Variants in ADGRV1 observed in about 807,000 individuals in gnomAD.
The protein encoded by ADGRV1 is G-protein coupled receptor 98.
A neutral mutation model predicts 596.2 loss-of-function variants in ADGRV1; 359 were observed. The ratio of observed to expected loss-of-function variants is 0.60; its 90% CI spans 0.55 to 0.66. The LOEUF is 0.66. Ranked by LOEUF, ADGRV1 falls within the 30% of genes least tolerant of loss-of-function variation. ADGRV1 has a pLI of 0.00. For synonymous variants in ADGRV1, 2,681 were observed against 2,679.2 expected, an observed-to-expected ratio of 1.00 and a Z score of -0.02; for missense variants, 7,274 against 7,575.6, an observed-to-expected ratio of 0.96 and a Z score of 1.48.
intron 83 of ADGRV1, among the ~76,000 whole-genome samples, chr5:90,929,816 T>TAA (rs1352227283): frequency 6.6e-6 from 1 of 152,240 alleles, no homozygotes; most frequent in African/African-American, 2.4e-5. Flanking sequence ...TGACTACCTT[T>TAA]AAGTTGTTGA....
At position 90,656,404 on chromosome 5, in the gene ADGRV1, A is replaced by G. The variant is rs1156504357; in HGVS notation, c.4379-1501A>G. 3.9e-5 allele frequency among the ~76,000 whole-genome samples: 6 copies of G among 152,202 alleles called. No homozygotes were observed. The East Asian group carries it at 1.2e-3, about 29-fold the overall frequency. ...CAGTATTCCTTTTAACATACCATAG[A>G]GACAGAACTAAAGGAGATGTGATCA... On this transcript the variant is annotated intron_variant, in intron 20 of 89. Coordinates refer to ENST00000405460, the MANE Select transcript of ADGRV1 (RefSeq NM_032119.4).
At chr5:91,047,796 T>C (rs1199082203) in intron 85 of ADGRV1, among the ~76,000 whole-genome samples, 3 of 152,234 alleles carry the variant, frequency 2.0e-5, no homozygotes, top group Admixed American at 1.3e-4. Flanking sequence ...TGTTTCTTTA[T>C]AATTTATTCA....
At chr5:91,131,435 T>TG (rs1199664661) in intron 87 of ADGRV1, among the ~76,000 whole-genome samples, 2 of 151,816 alleles carry the variant, frequency 1.3e-5, no homozygotes, top group African/African-American at 4.8e-5. Context: ...TTTTTTTTTT[T>TG]TTTGGTTTTT....
chr5:90,819,081 T>C (rs1414722789), intron 75 of ADGRV1, among the ~76,000 whole-genome samples: 18 of 152,268 alleles, frequency 1.2e-4, no homozygotes, highest in Non-Finnish European at 1.6e-4. Flanking sequence ...TGATTATTGC[T>C]ACAATTTCAG....
In ADGRV1 at chr5:90,773,758, GTGT is replaced by G. The variant is rs147840766; in HGVS notation, c.12286-425_12286-423del. ...AAATATACCATGAATTGGATATCCA[GTGT>G]TGATGAACAACGGCTGGCATCTCAG... On this transcript the variant is annotated intron_variant, in intron 59 of 89. Coordinates refer to ENST00000405460, the MANE Select transcript of ADGRV1 (RefSeq NM_032119.4). Among the ~76,000 whole-genome samples the G allele has an allele frequency of 2.8e-3, 433 of 152,284 alleles. 4 individuals are homozygous for G. Among genetic ancestry groups the G allele is most frequent in the East Asian group, 0.025 (131 of 5,168 alleles).
At position 90,773,324 on chromosome 5, in the gene ADGRV1, T is replaced by G. The variant is rs778501478; in HGVS notation, c.12286-862T>G. On this transcript the variant is annotated intron_variant, in intron 59 of 89. Coordinates refer to ENST00000405460, the MANE Select transcript of ADGRV1 (RefSeq NM_032119.4). Reference sequence around the variant, plus strand: ...AGGGAGATCGAAATGGGCTAATAAATGGGTCAAAAAGAATAAATTATAATA... The same window carrying G: ...AGGGAGATCGAAATGGGCTAATAAAGGGGTCAAAAAGAATAAATTATAATA... 8.1e-4 allele frequency among the ~76,000 whole-genome samples: 123 copies of G among 152,148 alleles called. 1 individual carries two copies. The highest frequency in any genetic ancestry group is 1.4e-3 in the Non-Finnish European group (95 of 67,996).
intron 72 of ADGRV1, 21 bp from the exon 73 acceptor site, chr5:90,807,581 C>A (rs1221758140): frequency 6.2e-7 from 1 of 1,602,476 alleles, no homozygotes; most frequent in Admixed American, 1.7e-5. Flanking sequence ...CCCTACTTTG[C>A]TTTTTCATGT....
chr5:90,772,079 A>G (rs955470922), intron 59 of ADGRV1, among the ~76,000 whole-genome samples: 1 of 152,270 alleles, frequency 6.6e-6, no homozygotes, highest in South Asian at 2.1e-4. Context: ...GCTGCCTTAC[A>G]TATACAGTAG....
In ADGRV1 at chr5:90,776,534, T is replaced by C. The variant is rs370746571; in HGVS notation, c.12485T>C (p.Ile4162Thr). The change falls in exon 61 of 90, where the codon ATT (isoleucine) becomes ACT (threonine). Residue 4162 changes from isoleucine to threonine, a missense_variant. By Grantham distance (89) the Ile-to-Thr change is moderately conservative (BLOSUM62 -1). Around this residue, in one of 5 missense-constraint regions of ADGRV1, gnomAD observed 3,643 missense variants for 3,809.2 expected, o/e 0.96. Transcript: ENST00000405460. ...GIAPSSRHIL[I>T]GEPSAKYNGT... ...GCTCCGTCATCTAGGCACATCCTCA[T>C]TGGGGAACCCTCAGCAAAATATAAT... 2.2e-5 allele frequency: 36 copies of C among 1,613,302 alleles called. No homozygotes were observed. The East Asian group carries it at 3.8e-4, about 17-fold the overall frequency.
At chr5:90,946,878 G>T (rs1776623518) in intron 83 of ADGRV1, among the ~76,000 whole-genome samples, 1 of 152,070 alleles carries the variant, frequency 6.6e-6, no homozygotes, top group Admixed American at 6.5e-5. Flanking sequence ...TGGACATTTG[G>T]GTTGATTCCA....
At chr5:90,613,956 G>A (rs1235781293) in intron 1 of ADGRV1, among the ~76,000 whole-genome samples, 4 of 151,958 alleles carry the variant, frequency 2.6e-5, no homozygotes, top group African/African-American at 7.3e-5. Context: ...TTTTATGTTC[G>A]TGTGAATGAT....
intron 28 of ADGRV1, 140 bp from the exon 29 acceptor site, chr5:90,685,640 A>AAAAT: frequency 7.4e-6 from 2 of 271,724 alleles, no homozygotes; most frequent in Non-Finnish European, 1.3e-5. Context: ...ATAAATAAAT[A>AAAAT]AAATAAATAG....
chr5:91,112,490 A>G (rs1041157685), intron 87 of ADGRV1, among the ~76,000 whole-genome samples: 2 of 152,204 alleles, frequency 1.3e-5, no homozygotes, highest in Non-Finnish European at 2.9e-5. Context: ...GAGCAAACCT[A>G]CAAGATTTAA....
In ADGRV1 at chr5:91,035,861, T is replaced by TTATA. The variant is rs1554202360; in HGVS notation, c.18153-36568_18153-36565dup. Among the ~76,000 whole-genome samples, 10 of 96,400 alleles carry TTATA rather than the reference T, an allele frequency of 1.0e-4. No homozygotes were observed. In the South Asian group the frequency reaches 1.4e-3, roughly 14 times the overall value. The allele number at this position is 96,400 out of a possible 152,430, so 63.2% of individuals were successfully genotyped here. A position where few individuals can be genotyped will look rare whatever the true frequency, so the allele number is the denominator to read the frequency against. On this transcript the variant is annotated intron_variant, in intron 85 of 89. Transcript: ENST00000405460. ...ATGAGTGTGTATATATATATATATA[T>TTATA]TATATATATATATATATATATCTTA...
chr5:90,687,437 C>T (rs1745827373), intron 29 of ADGRV1, among the ~76,000 whole-genome samples: 1 of 152,068 alleles, frequency 6.6e-6, no homozygotes, highest in South Asian at 2.1e-4. Context: ...TATGGCTAGT[C>T]AGTTTTTCTG....
chr5:90,753,374 A>G (rs1755477025), intron 53 of ADGRV1, among the ~76,000 whole-genome samples, 200 bp from the exon 54 acceptor site: 1 of 152,070 alleles, frequency 6.6e-6, no homozygotes, highest in African/African-American at 2.4e-5. Flanking sequence ...AAGTTTATAA[A>G]TGGTTTGCTC....
rs1242852645 is a variant in ADGRV1 at position 90,617,828 on chromosome 5, T to A, written c.232T>A (p.Phe78Ile). ...VSLYGEDAGD[F>I]FDTYAAAFIP... is the part of the protein sequence containing the mutation. ...GCTGTATGGAGAGGACGCTGGTGAC[T>A]TTTTTGACACATATGCTGCAGCTTT... The change falls in exon 3 of 90, where the codon TTT becomes ATT. Residue 78 changes from phenylalanine to isoleucine, a missense_variant. Coordinates refer to ENST00000405460, the MANE Select transcript of ADGRV1 (RefSeq NM_032119.4). The A allele has an allele frequency of 6.3e-7, 1 of 1,597,900 alleles. No individual in the cohort carries two copies. Among genetic ancestry groups the A allele is most frequent in the Non-Finnish European group, 8.5e-7 (1 of 1,171,324 alleles).
intron 89 of ADGRV1, among the ~76,000 whole-genome samples, chr5:91,159,793 C>T (rs562502494): frequency 6.6e-6 from 1 of 152,196 alleles, no homozygotes; most frequent in African/African-American, 2.4e-5. Context: ...CCTGGGACAG[C>T]CTCCATTTTA....
At chr5:90,741,890 G>A (rs540141461) in intron 50 of ADGRV1, among the ~76,000 whole-genome samples, 1 of 152,280 alleles carries the variant, frequency 6.6e-6, no homozygotes, top group South Asian at 2.1e-4. Flanking sequence ...GTATTAGATT[G>A]GAGCTATAAC....
Sources: gnomAD v4.1 joint callset for allele counts (sites outside exome capture counted in the v4.1 genomes callset) on GRCh38, gnomAD v4.1.1 for gene constraint, gnomAD v4.1.1 regional missense constraint, MANE v1.5 for transcripts, NCBI Gene and HGNC (gene_info 2026-07-23, HGNC 2026-07-21) for gene names.